GRIK2: variants seen among roughly 807,000 people sequenced by gnomAD.
GRIK2 encodes glutamate receptor ionotropic, kainate 2.
Under a neutral mutation model 100.3 loss-of-function variants are expected in GRIK2, and 32 were observed. The observed-to-expected ratio is 0.32, with a 90% confidence interval of 0.24 to 0.43. GRIK2 has a LOEUF of 0.43. Ranked by LOEUF, GRIK2 falls within the 20% of genes least tolerant of loss-of-function variation. The pLI is 1.00. For missense variants in GRIK2, 843 were observed against 1,114.9 expected (o/e 0.76, Z 3.47); for synonymous variants, 417 against 389.4 (o/e 1.07, Z -0.83).
intron 7 of GRIK2, among the ~76,000 whole-genome samples, chr6:101,740,867 C>A (rs1021901717): frequency 6.6e-6 from 1 of 152,082 alleles, no homozygotes; most frequent in Non-Finnish European, 1.5e-5. Flanking sequence ...GGGTAAAGCA[C>A]GAAGCCATTC....
intron 2 of GRIK2, among the ~76,000 whole-genome samples, chr6:101,506,808 A>C (rs1774047465): frequency 6.6e-6 from 1 of 152,112 alleles, no homozygotes; most frequent in African/African-American, 2.4e-5. Context: ...AGTTTGCAGA[A>C]ATGAGTATGA....
intron 2 of GRIK2, among the ~76,000 whole-genome samples, chr6:101,461,278 T>C (rs1771294106): frequency 6.6e-6 from 1 of 152,114 alleles, no homozygotes; most frequent in Non-Finnish European, 1.5e-5. Context: ...CTCACAGGGG[T>C]AAAATTAAGG....
chr6:101,962,538 T>C (rs1792369665), intron 14 of GRIK2, among the ~76,000 whole-genome samples: 1 of 152,184 alleles, frequency 6.6e-6, no homozygotes, highest in Non-Finnish European at 1.5e-5. Context: ...AAAGACTTCT[T>C]AGTTCTATCT....
chr6:101,447,700 A>G (rs1770456810), intron 2 of GRIK2, among the ~76,000 whole-genome samples: 1 of 151,652 alleles, frequency 6.6e-6, no homozygotes, highest in Admixed American at 6.6e-5. Context: ...ACCATCTTGA[A>G]CTATTGATGA....
At chr6:101,773,819 A>G (rs1008852319) in intron 7 of GRIK2, among the ~76,000 whole-genome samples, 2 of 152,176 alleles carry the variant, frequency 1.3e-5, no homozygotes, top group African/African-American at 2.4e-5. Context: ...TCCCATTGCC[A>G]CTAAGAAATT....
chr6:101,423,316 C>T (rs752618749), intron 2 of GRIK2, among the ~76,000 whole-genome samples: 4 of 152,118 alleles, frequency 2.6e-5, no homozygotes, highest in Non-Finnish European at 5.9e-5. Flanking sequence ...GGAAGAGAAA[C>T]TTGTTCTTAG....
intron 12 of GRIK2, among the ~76,000 whole-genome samples, chr6:101,914,109 G>A (rs529191017): frequency 9.2e-5 from 14 of 151,352 alleles, no homozygotes; most frequent in African/African-American, 2.7e-4. Context: ...AGTAATAAGG[G>A]GAGTGTGAAA....
intron 15 of GRIK2, among the ~76,000 whole-genome samples, chr6:102,046,087 C>A (rs1366015925): frequency 2.0e-5 from 3 of 151,186 alleles, no homozygotes; most frequent in South Asian, 2.1e-4. Flanking sequence ...TTATAGGAGA[C>A]AAAGAAGGTC....
intron 4 of GRIK2, among the ~76,000 whole-genome samples, chr6:101,673,110 A>G (rs970021258): frequency 6.6e-6 from 1 of 152,134 alleles, no homozygotes; most frequent in African/African-American, 2.4e-5. Flanking sequence ...TGCACACTAT[A>G]TCTCTGACAA....
chr6:101,935,887 C>T (rs1211862490), intron 14 of GRIK2, among the ~76,000 whole-genome samples: 1 of 152,026 alleles, frequency 6.6e-6, no homozygotes, highest in Non-Finnish European at 1.5e-5. Context: ...TCAAACATGA[C>T]ATACTGTTCT....
rs112299589 is a variant in GRIK2, at chr6:101,988,132, TGCGCGCGCGCGC to T, written c.2086-47197_2086-47186del. On this transcript the variant is annotated intron_variant, in intron 14 of 16. Transcript: ENST00000369134. ...GTGTGTGTGTGTGTGTGTGTGTGTG[TGCGCGCGCGCGC>T]GCGCGCGCGCGTGCGCGCACATGCA... Among the ~76,000 whole-genome samples, 7 of 29,562 alleles carry T rather than the reference TGCGCGCGCGCGC, an allele frequency of 2.4e-4. No individual in the cohort carries two copies. The South Asian group carries it at 4.5e-3, about 19-fold the overall frequency. 19.4% of individuals were successfully genotyped at this position (29,562 alleles called of 152,430 possible). A position where few individuals can be genotyped will look rare whatever the true frequency, so the allele number is the denominator to read the frequency against.
intron 12 of GRIK2, 132 bp from the exon 13 acceptor site, chr6:101,924,469 T>C: frequency 1.6e-6 from 1 of 630,034 alleles, no homozygotes; most frequent in South Asian, 2.0e-5. Context: ...ATATGAAATC[T>C]TGTAAAAATG....
chr6:101,626,696 C>T (rs1780456756), intron 4 of GRIK2, 59 bp downstream of exon 4: 11 of 1,441,752 alleles, frequency 7.6e-6, no homozygotes, highest in Non-Finnish European at 1.1e-5. Context: ...TTTCTGAAGC[C>T]CATTCCAGGT....
intron 2 of GRIK2, among the ~76,000 whole-genome samples, chr6:101,427,111 G>C (rs991873064): frequency 1.7e-4 from 26 of 152,258 alleles, no homozygotes; most frequent in Middle Eastern, 6.8e-3. Flanking sequence ...GAAGGCCTTG[G>C]GGAAGGTTGG....
At chr6:101,754,348 T>C (rs1041428506) in intron 7 of GRIK2, among the ~76,000 whole-genome samples, 24 of 152,216 alleles carry the variant, frequency 1.6e-4, no homozygotes, top group African/African-American at 5.8e-4. Context: ...AATTAGATTG[T>C]TCTATCTCAA....
chr6:101,581,590 A>G lies in GRIK2; in HGVS notation c.116-40359A>G, dbSNP rs559876534. Among the ~76,000 whole-genome samples the G allele has an allele frequency of 2.6e-5, 4 of 152,270 alleles. No homozygotes were observed. The South Asian group carries it at 8.3e-4, about 32-fold the overall frequency. ...ATGTTTGTTGAATGGTTGAATTAAT[A>G]TATTCTGTGAGAATTTACTGAGCAT... On this transcript the variant is annotated intron_variant, in intron 2 of 16. Transcript: ENST00000369134.
At chr6:102,014,299 T>C (rs896924494) in intron 14 of GRIK2, among the ~76,000 whole-genome samples, 1 of 146,946 alleles carries the variant, frequency 6.8e-6, no homozygotes, top group African/African-American at 2.5e-5. Context: ...AATCCCTTCA[T>C]TATTTCTCAT....
At chr6:101,739,791 T>A (rs971989596) in intron 7 of GRIK2, among the ~76,000 whole-genome samples, 3 of 152,060 alleles carry the variant, frequency 2.0e-5, no homozygotes, top group Non-Finnish European at 4.4e-5. Context: ...TCCTGGTAAA[T>A]CTCCCTCCAG....
intron 11 of GRIK2, among the ~76,000 whole-genome samples, chr6:101,876,381 T>A (rs1276559908): frequency 6.6e-6 from 1 of 151,840 alleles, no homozygotes; most frequent in Non-Finnish European, 1.5e-5. Context: ...TTGTGATAGA[T>A]TCCTTTCTGG....
Sources: allele counts gnomAD v4.1 joint callset (sites outside exome capture counted in the v4.1 genomes callset), GRCh38; gene constraint gnomAD v4.1.1; transcripts MANE v1.5; gene names NCBI Gene and HGNC (gene_info 2026-07-23, HGNC 2026-07-21).